Variants in EWSR1 observed in about 807,000 individuals in gnomAD.
EWSR1 encodes RNA-binding protein EWS.
A neutral mutation model predicts 92.1 loss-of-function variants in EWSR1; 14 were observed. The ratio of observed to expected loss-of-function variants is 0.15; its 90% CI spans 0.10 to 0.24. EWSR1 has a LOEUF of 0.24. Ranked by LOEUF, EWSR1 falls within the 10% of genes least tolerant of loss-of-function variation. The pLI is 1.00. For synonymous variants in EWSR1, 303 were observed against 292.9 expected (o/e 1.03, Z -0.35); for missense variants, 637 against 870.9 (o/e 0.73, Z 3.38).
chr22:29,295,908 T>A, intron 11 of EWSR1: 1 of 294,220 alleles, frequency 3.4e-6, no homozygotes, highest in Non-Finnish European at 6.5e-6. Context: ...TATCAAAGTC[T>A]GACTACCCCT....
At chr22:29,268,489 C>T (rs909435076) in intron 1 of EWSR1, 140 bp downstream of exon 1, 23 of 1,489,862 alleles carry the variant, frequency 1.5e-5, no homozygotes, top group Non-Finnish European at 1.8e-5. Context: ...CCGACGAGCT[C>T]GGGGATCCGC....
Position 29,283,013 on chromosome 22 carries a change from C to T in EWSR1, c.581+456C>T, listed in dbSNP as rs555306142. On this transcript the variant is annotated intron_variant, in intron 6 of 16. Coordinates refer to ENST00000397938, the MANE Select transcript of EWSR1 (RefSeq NM_005243.4). ...TCCTGACCTCGTGATCCACCCATCT[C>T]GGCCTCCCACAGTGCTGGGATTACA... is the stretch of plus-strand genomic sequence containing the variant. 1.6e-4 allele frequency among the ~76,000 whole-genome samples: 25 copies of T among 152,286 alleles called. No individual in the cohort carries two copies. The East Asian group carries it at 2.3e-3, about 14-fold the overall frequency.
At chr22:29,286,241 C>T (rs2060021295) in intron 6 of EWSR1, among the ~76,000 whole-genome samples, 2 of 152,072 alleles carry the variant, frequency 1.3e-5, no homozygotes, top group African/African-American at 4.8e-5. Context: ...AACTCCACCT[C>T]CCGGGTTCAT....
At chr22:29,291,841 T>G (rs2060463852) in intron 9 of EWSR1, 2 of 578,954 alleles carry the variant, frequency 3.5e-6, no homozygotes, top group Non-Finnish European at 6.0e-6. Flanking sequence ...ATTTTTAAAT[T>G]TGGTTTATTT....
In EWSR1 at chr22:29,300,247, A is replaced by G; in HGVS notation, c.*86A>G. 1 of 1,269,472 alleles carries G rather than the reference A, an allele frequency of 7.9e-7. No individual in the cohort carries two copies. The allele number at this position is 1,269,472 out of a possible 1,614,324, so 78.6% of individuals were successfully genotyped here. On this transcript the variant is annotated 3_prime_UTR_variant, in exon 17 of 17. Coordinates refer to ENST00000397938, the MANE Select transcript of EWSR1 (RefSeq NM_005243.4). ...TTTAAATTTATAATTCCATATTTAT[A>G]ATGTTGGCCACAACATTATGATTAT...
chr22:29,287,602 T>A (rs2060144281), intron 7 of EWSR1, among the ~76,000 whole-genome samples: 1 of 152,210 alleles, frequency 6.6e-6, no homozygotes. Context: ...CCAGCTAACA[T>A]CTTGGATGCC....
At chr22:29,297,397 A>G (rs2060949491) in intron 12 of EWSR1, among the ~76,000 whole-genome samples, 3 of 152,204 alleles carry the variant, frequency 2.0e-5, no homozygotes, top group African/African-American at 2.4e-5. Context: ...GTATTTAAGT[A>G]TGGCCTTTTT....
At position 29,299,631 on chromosome 22, in the gene EWSR1, A is replaced by G. The variant is rs1022815057; in HGVS notation, c.1711A>G (p.Met571Val). ...TCGTGGCAGAGGTGGCCCTGGTGGC[A>G]TGCGGGGAGGAAGAGGTGGCCTCAT... ...GDRGRGGPGG[M>V]RGGRGGLMDR... Residue 571 changes from methionine to valine, a missense_variant, in exon 16 of 17, where the codon ATG becomes GTG. Met to Val is a conservative substitution (Grantham distance 21). Transcript: ENST00000397938. 4 of 1,606,582 alleles carry G rather than the reference A, an allele frequency of 2.5e-6. No homozygotes were observed. The highest frequency in any genetic ancestry group is 2.6e-6 in the Non-Finnish European group (3 of 1,176,118).
chr22:29,286,705 A>T (rs1366324625), intron 6 of EWSR1, among the ~76,000 whole-genome samples: 1 of 149,550 alleles, frequency 6.7e-6, no homozygotes, highest in Non-Finnish European at 1.5e-5. Flanking sequence ...AAAAAAAAAA[A>T]AAAAAAATTT....
Position 29,268,280 on chromosome 22 carries a change from C to G in EWSR1, c.-57C>G, listed in dbSNP as rs539670651. The stretch of plus-strand genomic sequence containing the variant: ...GATTTGCGCCTGCGCAGTGCGGCGC[C>G]TAGAGGGAAAGCGAGAGGGAGACGG... On this transcript the variant is annotated 5_prime_UTR_variant, in exon 1 of 17. Transcript: ENST00000397938. 3.4e-5 allele frequency: 55 copies of G among 1,603,344 alleles called. No homozygotes were observed. In the African/African-American group the frequency reaches 5.6e-4, roughly 16 times the overall value.
intron 8 of EWSR1, chr22:29,290,739 A>G: frequency 2.5e-6 from 3 of 1,184,220 alleles, no homozygotes; most frequent in Non-Finnish European, 3.2e-6. Flanking sequence ...GCTGCATGCA[A>G]CAGCTTGAAA....
chr22:29,293,697 T>C (rs569304469), intron 11 of EWSR1, among the ~76,000 whole-genome samples: 13 of 152,260 alleles, frequency 8.5e-5, no homozygotes, highest in African/African-American at 2.9e-4. Context: ...CCTGAGTAGC[T>C]AGGATTACAG....
chr22:29,299,701 G>C lies in EWSR1; in HGVS notation c.1781G>C (p.Gly594Ala). 1 of 1,612,792 alleles carries C rather than the reference G, an allele frequency of 6.2e-7. No individual in the cohort carries two copies. The highest frequency in any genetic ancestry group is 8.5e-7 in the Non-Finnish European group (1 of 1,179,390). ...PGGMFRGGRG[G>A]DRGGFRGGRG... ...GGAATGTTCAGAGGTGGCCGTGGTG[G>C]AGACAGAGGTGGCTTCCGTGGTGGC... The change falls in exon 16 of 17, where the codon GGA becomes GCA. Residue 594 changes from glycine to alanine, a missense_variant. Physicochemically the swap from Gly to Ala is moderately conservative, Grantham distance 60. Transcript: ENST00000397938.
intron 6 of EWSR1, among the ~76,000 whole-genome samples, chr22:29,286,686 CAAAAA>C (rs373796997): frequency 1.0e-4 from 8 of 76,346 alleles, no homozygotes; most frequent in Middle Eastern, 7.8e-3. Flanking sequence ...CACTCTGTCT[CAAAAA>C]AAAAAAAAAA....
chr22:29,277,647 AT>A, intron 4 of EWSR1: 1 of 237,460 alleles, frequency 4.2e-6, no homozygotes. Flanking sequence ...GCTTGAGGGT[AT>A]TTTGGGGTAA....
chr22:29,297,273 C>T (rs2060937044), intron 12 of EWSR1, among the ~76,000 whole-genome samples: 1 of 152,204 alleles, frequency 6.6e-6, no homozygotes, highest in African/African-American at 2.4e-5. Context: ...GCGTCAGCCA[C>T]TCGAGTAGCT....
Position 29,292,476 on chromosome 22 carries a change from TGTC to T in EWSR1, c.1046-11_1046-9del. Reference sequence around the variant, plus strand: ...CATGATAATAATTCTCCTGTCTTGTTGTCTCTGAAAGGCCCACCTGTAGATCCA... The same window carrying T: ...CATGATAATAATTCTCCTGTCTTGTTTCTGAAAGGCCCACCTGTAGATCCA... On this transcript the variant is annotated splice_polypyrimidine_tract_variant and intron_variant, in intron 10 of 16. Transcript: ENST00000397938. 1 of 1,557,836 alleles carries T rather than the reference TGTC, an allele frequency of 6.4e-7. No individual in the cohort carries two copies.
intron 13 of EWSR1, 66 bp downstream of exon 13, chr22:29,298,015 T>C: frequency 1.3e-6 from 2 of 1,486,968 alleles, no homozygotes; most frequent in Non-Finnish European, 1.8e-6. Flanking sequence ...CTTGAGAAAC[T>C]TGATTATTAG....
At chr22:29,295,977 A>C in intron 11 of EWSR1, 1 of 373,270 alleles carries the variant, frequency 2.7e-6, no homozygotes, top group South Asian at 3.8e-5. Flanking sequence ...AGGGCAGGCA[A>C]ACCAGCATCA....
Sources: gnomAD v4.1 joint callset for allele counts (sites outside exome capture counted in the v4.1 genomes callset) on GRCh38, gnomAD v4.1.1 for gene constraint, MANE v1.5 for transcripts, NCBI Gene and HGNC (gene_info 2026-07-23, HGNC 2026-07-21) for gene names.